TBC1D5: variants seen among roughly 807,000 people sequenced by gnomAD.
TBC1D5 encodes TBC1 domain family, member 5.
TBC1D5 carries 75 observed loss-of-function variants against 100.3 expected under a neutral mutation model. That is an observed-to-expected ratio of 0.75 (90% CI 0.62 to 0.91). The LOEUF is 0.91. TBC1D5 is among the 40% of genes least tolerant of loss of function. The pLI, the probability that TBC1D5 is intolerant of heterozygous loss-of-function variation, is 0.00. For synonymous variants in TBC1D5, 323 were observed against 325.6 expected (o/e 0.99, Z 0.09); for missense variants, 910 against 942.4 (o/e 0.97, Z 0.45).
chr3:17,274,382 A>C (rs898546629), intron 15 of TBC1D5, among the ~76,000 whole-genome samples: 1 of 152,238 alleles, frequency 6.6e-6, no homozygotes, highest in Admixed American at 6.5e-5. Flanking sequence ...CAAATACAAG[A>C]AAGTTCAAAT....
chr3:17,670,190 A>G (rs942100175), intron 1 of TBC1D5, among the ~76,000 whole-genome samples: 1 of 152,224 alleles, frequency 6.6e-6, no homozygotes, highest in East Asian at 1.9e-4. Context: ...GCCCGGCCAG[A>G]CTGTCTTATG....
At chr3:17,207,598 C>A (rs2072383239) in intron 18 of TBC1D5, among the ~76,000 whole-genome samples, 1 of 152,086 alleles carries the variant, frequency 6.6e-6, no homozygotes, top group South Asian at 2.1e-4. Flanking sequence ...AAATCATGGG[C>A]ATTAACAGGA....
intron 13 of TBC1D5, among the ~76,000 whole-genome samples, chr3:17,325,229 CA>C: frequency 9.0e-6 from 1 of 111,416 alleles, no homozygotes; most frequent in East Asian, 2.6e-4. Flanking sequence ...AAAGAATAAA[CA>C]AATTGTGGTA....
intron 2 of TBC1D5, among the ~76,000 whole-genome samples, chr3:17,547,807 G>T (rs2096433280): frequency 2.0e-5 from 3 of 152,190 alleles, no homozygotes; most frequent in Admixed American, 2.0e-4. Context: ...GTTTATTGCA[G>T]TATGTGCAAT....
chr3:17,545,199 T>C (rs767494708), intron 2 of TBC1D5, among the ~76,000 whole-genome samples: 5 of 152,140 alleles, frequency 3.3e-5, no homozygotes, highest in Non-Finnish European at 5.9e-5. Flanking sequence ...GATAGGGCCT[T>C]TACAGCAAAA....
At chr3:17,251,731 C>T (rs1260227862) in intron 16 of TBC1D5, among the ~76,000 whole-genome samples, 1 of 152,170 alleles carries the variant, frequency 6.6e-6, no homozygotes, top group East Asian at 1.9e-4. Flanking sequence ...ATAATATTCA[C>T]TTTGCTCTGA....
At chr3:17,480,455 C>A (rs942857495) in intron 3 of TBC1D5, among the ~76,000 whole-genome samples, 6 of 152,196 alleles carry the variant, frequency 3.9e-5, no homozygotes, top group Non-Finnish European at 8.8e-5. Context: ...CTTGGACGAA[C>A]CAGCATGTAC....
intron 9 of TBC1D5, among the ~76,000 whole-genome samples, chr3:17,377,918 C>T (rs939442401): frequency 3.3e-5 from 5 of 151,534 alleles, no homozygotes; most frequent in African/African-American, 1.2e-4. Flanking sequence ...ATTAAACAAA[C>T]CTTGAAAAAA....
intron 3 of TBC1D5, among the ~76,000 whole-genome samples, chr3:17,448,951 G>T (rs1330674207): frequency 6.6e-6 from 1 of 152,192 alleles, no homozygotes; most frequent in African/African-American, 2.4e-5. Flanking sequence ...TTATTCATGG[G>T]ATCTGGCAAG....
intron 8 of TBC1D5, among the ~76,000 whole-genome samples, chr3:17,392,051 A>G (rs1200243105): frequency 6.6e-6 from 1 of 152,120 alleles, no homozygotes; most frequent in Non-Finnish European, 1.5e-5. Context: ...ACATTAACAC[A>G]CTGCTTCTGG....
exon 4 of TBC1D5, chr3:17,428,497 T>C (rs148235179): frequency 1.6e-4 from 247 of 1,515,902 alleles, no homozygotes; most frequent in Non-Finnish European, 2.1e-4. Context: ...AACTTGTTCT[T>C]CTTCCATTTT....
chr3:17,536,730 T>G (rs946458869), intron 2 of TBC1D5, among the ~76,000 whole-genome samples: 7 of 152,146 alleles, frequency 4.6e-5, no homozygotes, highest in Admixed American at 4.6e-4. Context: ...TTGGAAGGTA[T>G]ACACTGATTT....
intron 8 of TBC1D5, among the ~76,000 whole-genome samples, chr3:17,390,274 C>T (rs1463306793): frequency 6.6e-6 from 1 of 152,076 alleles, no homozygotes; most frequent in African/African-American, 2.4e-5. Context: ...GTTGGAAAGA[C>T]ATTCAACAGG....
chr3:17,511,024 C>T lies in TBC1D5; in HGVS notation c.-35-2419G>A, dbSNP rs116701030. ...TAAATAAGTCAGTGCGACAAAAAGA[C>T]CAGGTATAAAAAAAGGGGGTATAAA... is the stretch of plus-strand genomic sequence containing the variant. On this transcript the variant is annotated intron_variant, in intron 2 of 21. Transcript: ENST00000253692. Among the ~76,000 whole-genome samples the T allele has an allele frequency of 3.1e-3, 477 of 151,750 alleles. 1 individual carries two copies. Among genetic ancestry groups the T allele is most frequent in the African/African-American group, 0.011 (452 of 41,434 alleles).
At chr3:17,596,903 C>A (rs903099575) in intron 2 of TBC1D5, among the ~76,000 whole-genome samples, 4 of 152,140 alleles carry the variant, frequency 2.6e-5, no homozygotes, top group African/African-American at 9.7e-5. Context: ...CTATGGAACA[C>A]TGATGACCCG....
intron 2 of TBC1D5, among the ~76,000 whole-genome samples, chr3:17,617,794 C>T (rs374757280): frequency 2.6e-5 from 4 of 152,212 alleles, no homozygotes; most frequent in African/African-American, 7.2e-5. Flanking sequence ...GTTAGCCATT[C>T]GTCTAACCTT....
At chr3:17,404,410 A>T (rs1436695952) in intron 7 of TBC1D5, among the ~76,000 whole-genome samples, 1 of 151,976 alleles carries the variant, frequency 6.6e-6, no homozygotes, top group Non-Finnish European at 1.5e-5. Context: ...CCCTGATAAA[A>T]GTTTTATTCT....
At chr3:17,214,404 C>T in intron 17 of TBC1D5, 34 bp from the exon 19 acceptor site, 5 of 1,594,366 alleles carry the variant, frequency 3.1e-6, no homozygotes, top group Non-Finnish European at 4.3e-6. Flanking sequence ...TAATGAAACA[C>T]CAGACTCTTT....
At chr3:17,223,715 G>A (rs995572743) in intron 17 of TBC1D5, among the ~76,000 whole-genome samples, 1 of 152,020 alleles carries the variant, frequency 6.6e-6, no homozygotes, top group Non-Finnish European at 1.5e-5. Flanking sequence ...ATATAAATTA[G>A]CTGGGCATGG....
Sources: gnomAD v4.1 joint callset for allele counts (sites outside exome capture counted in the v4.1 genomes callset) on GRCh38, gnomAD v4.1.1 for gene constraint, MANE v1.5 for transcripts, NCBI Gene and HGNC (gene_info 2026-07-23, HGNC 2026-07-21) for gene names.